Variants in COQ10B observed in about 807,000 individuals in gnomAD.
COQ10B encodes coenzyme Q10B.
A neutral mutation model predicts 27.6 loss-of-function variants in COQ10B; 12 were observed. The observed-to-expected ratio is 0.43, with a 90% CI of 0.28 to 0.70. The LOEUF (loss-of-function observed/expected upper bound fraction) is 0.70, where lower values mean the gene tolerates loss of function less well. Among genes scored for constraint, COQ10B ranks in the 30% least tolerant of loss-of-function variants. COQ10B has a pLI of 0.17. For missense variants in COQ10B, 278 were observed against 288.7 expected, an observed-to-expected ratio of 0.96 and a Z score of 0.27; for synonymous variants, 115 against 103.0, an observed-to-expected ratio of 1.12 and a Z score of -0.71.
At chr2:197,454,067 GT>G in intron 1 of COQ10B, 1 of 1,551,238 alleles carries the variant, frequency 6.4e-7, no homozygotes, top group Non-Finnish European at 8.7e-7. Flanking sequence ...CCCTTCTCCG[GT>G]TCCTTCTACC....
At chr2:197,462,325 T>G (rs146739132) in intron 2 of COQ10B, among the ~76,000 whole-genome samples, 85 of 152,108 alleles carry the variant, frequency 5.6e-4, no homozygotes, top group Non-Finnish European at 1.2e-3. Context: ...AGATGCCAAA[T>G]TGTGATCTCT....
At position 197,472,816 on chromosome 2, in the gene COQ10B, A is replaced by AAG. The variant is rs757304146; in HGVS notation, c.550-940_550-939insGA. Among the ~76,000 whole-genome samples the AAG allele has an allele frequency of 5.4e-3, 824 of 151,508 alleles. 5 individuals are homozygous for AAG. The highest frequency in any genetic ancestry group is 9.4e-3 in the Non-Finnish European group (638 of 67,816). On this transcript the variant is annotated intron_variant, in intron 4 of 4. Transcript: ENST00000263960. ...GCTCCATCTCAAAAAAAAAAAAAAA[A>AAG]AAAAAGAAAGATTAAACCACTTACA...
At chr2:197,465,623 T>A (rs2085817056) in intron 3 of COQ10B, among the ~76,000 whole-genome samples, 1 of 152,116 alleles carries the variant, frequency 6.6e-6, no homozygotes, top group Non-Finnish European at 1.5e-5. Context: ...ACCTACAGGA[T>A]AAGCTAGGTT....
At chr2:197,462,239 A>T (rs945564259) in intron 2 of COQ10B, among the ~76,000 whole-genome samples, 2 of 151,172 alleles carry the variant, frequency 1.3e-5, no homozygotes, top group Admixed American at 6.6e-5. Context: ...ACTGCACTCT[A>T]GCCTGGGTAA....
rs1374344148 is a variant in COQ10B at position 197,474,691 on chromosome 2, A to G, written c.*767A>G. 1.3e-5 allele frequency: 2 copies of G among 152,368 alleles called. No homozygotes were observed. The highest frequency in any genetic ancestry group is 2.4e-5 in the African/African-American group (1 of 41,454). The allele number at this position is 152,368 out of a possible 1,614,324, so 9.4% of individuals were successfully genotyped here. Reference sequence around the variant, plus strand: ...ACAGAGGGAGACTCTGTCTCCAAAAACAAAAACAAAAACTGTTAGTGAAGG... The same window carrying G: ...ACAGAGGGAGACTCTGTCTCCAAAAGCAAAAACAAAAACTGTTAGTGAAGG... On this transcript the variant is annotated 3_prime_UTR_variant, in exon 5 of 5. Coordinates refer to ENST00000263960, the MANE Select transcript of COQ10B (RefSeq NM_025147.5).
intron 3 of COQ10B, among the ~76,000 whole-genome samples, chr2:197,468,224 A>C (rs540138031): frequency 2.6e-5 from 4 of 151,656 alleles, no homozygotes; most frequent in Non-Finnish European, 5.9e-5. Context: ...GGGGATCAGG[A>C]GGTCAGGAGA....
At chr2:197,473,427 T>TACAC in intron 4 of COQ10B, among the ~76,000 whole-genome samples, 1 of 98,850 alleles carries the variant, frequency 1.0e-5, no homozygotes, top group African/African-American at 3.6e-5. Context: ...TATATATATA[T>TACAC]ATATATATAT....
At chr2:197,467,607 A>G (rs984779835) in intron 3 of COQ10B, among the ~76,000 whole-genome samples, 3 of 149,858 alleles carry the variant, frequency 2.0e-5, no homozygotes, top group African/African-American at 7.4e-5. Flanking sequence ...GAACTCCCGA[A>G]CTCAGGTGAT....
At chr2:197,466,187 C>G (rs1237018409) in intron 3 of COQ10B, among the ~76,000 whole-genome samples, 1 of 152,244 alleles carries the variant, frequency 6.6e-6, no homozygotes, top group East Asian at 1.9e-4. Context: ...GCTCCCTCCT[C>G]CCACGTAATA....
At chr2:197,453,866 G>A in intron 1 of COQ10B, 2 of 1,301,114 alleles carry the variant, frequency 1.5e-6, no homozygotes, top group East Asian at 2.5e-5. Flanking sequence ...TGTGTTCGTG[G>A]CTCGTTTGCC....
chr2:197,473,465 T>TATACGTGTATATATAC (rs1559296104), intron 4 of COQ10B, among the ~76,000 whole-genome samples: 3 of 135,830 alleles, frequency 2.2e-5, no homozygotes. Context: ...TATATATATA[T>TATACGTGTATATATAC]GTATATATAC....
intron 1 of COQ10B, among the ~76,000 whole-genome samples, chr2:197,454,928 G>T (rs944824552): frequency 8.5e-5 from 13 of 152,156 alleles, no homozygotes; most frequent in East Asian, 5.8e-4. Context: ...TCATTTCATG[G>T]TTTAACTGTA....
At chr2:197,473,695 C>CAAAAAA in intron 4 of COQ10B, 62 bp from the exon 5 acceptor site, 2 of 945,390 alleles carry the variant, frequency 2.1e-6, no homozygotes, top group East Asian at 3.5e-5. Flanking sequence ...CCAGGAAAAC[C>CAAAAAA]AAAAAAAAAA....
chr2:197,453,990 GT>G (rs548791420), intron 1 of COQ10B: 318 of 1,550,938 alleles, frequency 2.1e-4, no homozygotes, highest in Non-Finnish European at 2.7e-4. Context: ...CTGTTGGAAA[GT>G]TTTAACTTTG....
At chr2:197,468,269 T>C (rs1348354922) in intron 3 of COQ10B, among the ~76,000 whole-genome samples, 1 of 151,622 alleles carries the variant, frequency 6.6e-6, no homozygotes, top group Admixed American at 6.6e-5. Flanking sequence ...TGAAACCCCA[T>C]ATCTAGTAAA....
At position 197,462,093 on chromosome 2, in the gene COQ10B, C is replaced by T. The variant is rs142165507; in HGVS notation, c.255-446C>T. Among the ~76,000 whole-genome samples the T allele has an allele frequency of 4.1e-4, 62 of 151,998 alleles. 2 individuals carry two copies. The East Asian group carries it at 0.011, about 27-fold the overall frequency. ...GACCGTTCTGGCTAACACAGTGAAA[C>T]CCCATCTCTATTAAAAGTACAAAAA... On this transcript the variant is annotated intron_variant, in intron 2 of 4. Transcript: ENST00000263960.
intron 1 of COQ10B, among the ~76,000 whole-genome samples, chr2:197,455,818 G>T (rs985242114): frequency 6.6e-6 from 1 of 152,100 alleles, no homozygotes; most frequent in Non-Finnish European, 1.5e-5. Context: ...AAATTGGCAG[G>T]GCTTGGTGGC....
intron 3 of COQ10B, among the ~76,000 whole-genome samples, chr2:197,468,581 A>G (rs757395196): frequency 6.6e-6 from 1 of 152,326 alleles, no homozygotes; most frequent in Middle Eastern, 3.4e-3. Context: ...GTATTATCCT[A>G]AAGTTGGGCA....
At chr2:197,464,603 A>G (rs548810019) in intron 3 of COQ10B, among the ~76,000 whole-genome samples, 34 of 152,284 alleles carry the variant, frequency 2.2e-4, no homozygotes, top group Middle Eastern at 3.4e-3. Context: ...TAGAGTTTTT[A>G]AACTACTTTC....
Sources: allele counts gnomAD v4.1 joint callset (sites outside exome capture counted in the v4.1 genomes callset), GRCh38; gene constraint gnomAD v4.1.1; transcripts MANE v1.5; gene names NCBI Gene and HGNC (gene_info 2026-07-23, HGNC 2026-07-21).